The following FASTKD1 variants were observed in gnomAD, a reference collection of about 807,000 sequenced individuals.
The protein encoded by FASTKD1 is FAST kinase domain-containing protein 1, mitochondrial.
FASTKD1 carries 94 observed loss-of-function variants against 90.9 expected under a neutral mutation model. That is an observed-to-expected ratio of 1.03 (90% CI 0.88 to 1.23). The LOEUF is 1.23. Ranked by LOEUF, FASTKD1 falls within the 50% of genes most tolerant of loss-of-function variation. The probability of loss-of-function intolerance (pLI) is 0.00; values close to 1 mark genes in which losing one functional copy is unlikely to be tolerated. For synonymous variants in FASTKD1, 319 were observed against 345.8 expected (o/e 0.92, Z 0.86); for missense variants, 945 against 993.5 (o/e 0.95, Z 0.66).
At chr2:169,534,545 C>A (rs1195520043) in intron 12 of FASTKD1, among the ~76,000 whole-genome samples, 1 of 150,302 alleles carries the variant, frequency 6.7e-6, no homozygotes, top group African/African-American at 2.4e-5. Context: ...CTGCAACCTC[C>A]GTCTCCCGGG....
intron 12 of FASTKD1, among the ~76,000 whole-genome samples, chr2:169,534,012 A>C (rs1684608338): frequency 6.6e-6 from 1 of 151,740 alleles, no homozygotes; most frequent in Non-Finnish European, 1.5e-5. Flanking sequence ...CTCTACAAAA[A>C]ACACAAAAAT....
chr2:169,530,028 T>C (rs1233134869), intron 14 of FASTKD1, 102 bp from the exon 15 acceptor site: 22 of 798,214 alleles, frequency 2.8e-5, no homozygotes, highest in Non-Finnish European at 4.3e-5. Flanking sequence ...AGGAATCCTA[T>C]GAAATTAGTT....
intron 7 of FASTKD1, among the ~76,000 whole-genome samples, chr2:169,548,420 T>TTA (rs1553536922): frequency 5.6e-5 from 8 of 142,916 alleles, no homozygotes; most frequent in East Asian, 2.0e-4. Flanking sequence ...CAATAATTGT[T>TTA]AAAAAAAAAA....
intron 7 of FASTKD1, 146 bp from the exon 8 acceptor site, chr2:169,546,850 A>C: frequency 1.2e-6 from 1 of 811,528 alleles, no homozygotes; most frequent in Non-Finnish European, 1.9e-6. Context: ...TCTAATCTCA[A>C]ACCACAACAA....
intron 2 of FASTKD1, 113 bp from the exon 3 acceptor site, chr2:169,569,365 G>A (rs1290488050): frequency 1.0e-6 from 1 of 968,660 alleles, no homozygotes; most frequent in African/African-American, 1.6e-5. Context: ...CTCTTATACA[G>A]GCAGTCCTTA....
intron 7 of FASTKD1, among the ~76,000 whole-genome samples, chr2:169,548,231 C>T (rs1687565918): frequency 6.6e-6 from 1 of 151,950 alleles, no homozygotes; most frequent in South Asian, 2.1e-4. Flanking sequence ...CTGATATCAC[C>T]TGTCAGGCCC....
chr2:169,537,384 C>CTTTT, intron 11 of FASTKD1, 44 bp from the exon 12 acceptor site: 1 of 1,021,480 alleles, frequency 9.8e-7, no homozygotes. Context: ...TCTTTTTTTT[C>CTTTT]TTTTTTTTTT....
intron 13 of FASTKD1, 97 bp from the exon 14 acceptor site, chr2:169,530,798 C>A: frequency 2.9e-6 from 2 of 694,630 alleles, no homozygotes; most frequent in South Asian, 3.6e-5. Flanking sequence ...TATAAACTAA[C>A]AAAAGCCAAT....
intron 3 of FASTKD1, among the ~76,000 whole-genome samples, chr2:169,566,878 A>G (rs1247244886): frequency 6.6e-6 from 1 of 152,192 alleles, no homozygotes; most frequent in African/African-American, 2.4e-5. Context: ...GCACTTTGGG[A>G]GGCCAAGGTG....
In FASTKD1 at chr2:169,561,002, A is replaced by T. The variant is rs184700009; in HGVS notation, c.573-217T>A. ...CCAGCCACATAAGTGTATTTTTTTT[A>T]AAAAAAAGGCAAGGGGCTGGGCATG... On this transcript the variant is annotated intron_variant, in intron 4 of 14. Coordinates refer to ENST00000453153, the MANE Select transcript of FASTKD1 (RefSeq NM_024622.6). 8.0e-3 allele frequency among the ~76,000 whole-genome samples: 1,159 copies of T among 145,494 alleles called. 24 individuals carry two copies. Among genetic ancestry groups the T allele is most frequent in the Admixed American group, 0.036 (531 of 14,910 alleles).
intron 7 of FASTKD1, among the ~76,000 whole-genome samples, chr2:169,553,368 A>T (rs528814173): frequency 4.0e-5 from 6 of 151,318 alleles, no homozygotes; most frequent in African/African-American, 1.5e-4. Context: ...ATTGAGAGGT[A>T]GTCTATGTGA....
intron 3 of FASTKD1, among the ~76,000 whole-genome samples, 196 bp from the exon 4 acceptor site, chr2:169,563,546 T>C (rs1282928402): frequency 2.0e-5 from 3 of 152,052 alleles, no homozygotes; most frequent in East Asian, 1.9e-4. Context: ...AGGGGGAAAA[T>C]CACTAAAAAT....
chr2:169,538,226 TATTA>T, intron 10 of FASTKD1, 85 bp from the exon 11 acceptor site: 6 of 1,060,036 alleles, frequency 5.7e-6, no homozygotes, highest in Non-Finnish European at 8.3e-6. Context: ...TTATCCCCAC[TATTA>T]GTAGATGCTT....
chr2:169,544,502 C>G (rs1212763433), intron 9 of FASTKD1, among the ~76,000 whole-genome samples: 1 of 152,104 alleles, frequency 6.6e-6, no homozygotes, highest in African/African-American at 2.4e-5. Flanking sequence ...ACCCAGGAGA[C>G]AGAGGTTGCA....
At chr2:169,569,009 A>AC (rs1684117563) in intron 3 of FASTKD1, among the ~76,000 whole-genome samples, 175 bp downstream of exon 3, 3 of 151,960 alleles carry the variant, frequency 2.0e-5, no homozygotes, top group Non-Finnish European at 4.4e-5. Context: ...AAAAAAAAAA[A>AC]AAAAAACAAC....
Position 169,557,251 on chromosome 2 carries a change from G to A in FASTKD1, c.1018C>T (p.Gln340Ter), listed in dbSNP as rs774910794. The A allele has an allele frequency of 6.2e-7, 1 of 1,612,110 alleles. No homozygotes were observed. The change falls in exon 6 of 15, where the codon CAA (glutamine) becomes TAA (stop). Residue 340 changes from glutamine (Q) to a stop codon, truncating the protein, a stop_gained. Coordinates refer to ENST00000453153, the MANE Select transcript of FASTKD1 (RefSeq NM_024622.6). LOFTEE classifies it high-confidence loss of function. The stretch of plus-strand genomic sequence containing the variant: ...ATTGCTCCCAACACTGCCAGGGCTT[G>A]CTCGCCAGTTAGGTCCTCTGACATC... ...LLMSEDLTGE[Q>*]ALAVLGAMGD...
At chr2:169,566,896 C>G (rs1466228588) in intron 3 of FASTKD1, among the ~76,000 whole-genome samples, 1 of 152,112 alleles carries the variant, frequency 6.6e-6, no homozygotes, top group Non-Finnish European at 1.5e-5. Flanking sequence ...GTGGGCAGAT[C>G]ACGAGGTCAG....
At chr2:169,549,022 G>A (rs1405217792) in intron 7 of FASTKD1, among the ~76,000 whole-genome samples, 3 of 151,972 alleles carry the variant, frequency 2.0e-5, no homozygotes, top group Admixed American at 6.6e-5. Context: ...GCGTGAACCC[G>A]GGAGGCGGAG....
chr2:169,556,084 T>C (rs1683292859), intron 6 of FASTKD1, among the ~76,000 whole-genome samples: 1 of 152,150 alleles, frequency 6.6e-6, no homozygotes, highest in Non-Finnish European at 1.5e-5. Context: ...AGGGTCTTTA[T>C]GCTCTCTATT....
Sources: gnomAD v4.1 joint callset for allele counts (sites outside exome capture counted in the v4.1 genomes callset) on GRCh38, gnomAD v4.1.1 for gene constraint, MANE v1.5 for transcripts, NCBI Gene and HGNC (gene_info 2026-07-23, HGNC 2026-07-21) for gene names.